Variants in LONRF1 observed in about 807,000 individuals in gnomAD.
LONRF1 encodes LON peptidase N-terminal domain and RING finger protein 1.
LONRF1 carries 37 observed loss-of-function variants against 85.8 expected under a neutral mutation model. The observed-to-expected ratio is 0.43, with a 90% CI of 0.33 to 0.57. LONRF1 has a LOEUF of 0.57. LONRF1 is among the 20% of genes least tolerant of loss of function. The pLI, the probability that LONRF1 is intolerant of heterozygous loss-of-function variation, is 0.04. For synonymous variants in LONRF1, 517 were observed against 390.1 expected, an observed-to-expected ratio of 1.33 and a Z score of -3.83; for missense variants, 1,036 against 978.0, an observed-to-expected ratio of 1.06 and a Z score of -0.79.
intron 1 of LONRF1, among the ~76,000 whole-genome samples, chr8:12,748,514 A>G (rs1006606477): frequency 6.6e-6 from 1 of 152,220 alleles, no homozygotes; most frequent in African/African-American, 2.4e-5. Flanking sequence ...TTATAAAGAT[A>G]TACAACATTT....
intron 1 of LONRF1, among the ~76,000 whole-genome samples, chr8:12,752,467 C>T (rs1585264362): frequency 1.3e-5 from 2 of 152,202 alleles, no homozygotes; most frequent in Middle Eastern, 6.8e-3. Flanking sequence ...CATTTTCAAG[C>T]ATGGAATTAA....
intron 8 of LONRF1, among the ~76,000 whole-genome samples, chr8:12,729,684 T>C (rs1379223351): frequency 6.6e-6 from 1 of 152,250 alleles, no homozygotes; most frequent in African/African-American, 2.4e-5. Context: ...ATTTATAACA[T>C]GACAATAAAT....
chr8:12,727,919 G>A (rs1798382467), intron 10 of LONRF1, among the ~76,000 whole-genome samples: 1 of 152,166 alleles, frequency 6.6e-6, no homozygotes, highest in Non-Finnish European at 1.5e-5. Flanking sequence ...CTCAAAGTCT[G>A]AGTCAGACAG....
At chr8:12,726,317 G>A (rs1798302645) in intron 10 of LONRF1, among the ~76,000 whole-genome samples, 1 of 152,178 alleles carries the variant, frequency 6.6e-6, no homozygotes, top group Admixed American at 6.5e-5. Context: ...ATGACAGAAA[G>A]TAGTAACAGG....
intron 10 of LONRF1, among the ~76,000 whole-genome samples, chr8:12,728,090 C>T (rs372992062): frequency 1.7e-4 from 26 of 152,102 alleles, no homozygotes; most frequent in African/African-American, 4.1e-4. Context: ...TAAATGCTGA[C>T]GAAATGAAGG....
intron 1 of LONRF1, among the ~76,000 whole-genome samples, chr8:12,744,751 C>A (rs1263592381): frequency 6.6e-6 from 1 of 152,176 alleles, no homozygotes; most frequent in Non-Finnish European, 1.5e-5. Context: ...AAAGACTAGG[C>A]TCAGAAAGTG....
rs140926534 is a variant in LONRF1, at chr8:12,729,421, A to T, written c.1689-89T>A. The T allele has an allele frequency of 4.9e-4, 629 of 1,294,516 alleles. 2 individuals carry two copies. In the African/African-American group the frequency reaches 8.5e-3, roughly 18 times the overall value. 80.2% of individuals were successfully genotyped at this position (1,294,516 alleles called of 1,614,324 possible). A position where few individuals can be genotyped will look rare whatever the true frequency, so the allele number is the denominator to read the frequency against. On this transcript the variant is annotated intron_variant, in intron 8 of 11. Transcript: ENST00000398246. Reference sequence around the variant, plus strand: ...AAAATGAGTGAGGTTTATAACAGTAATGAACTAATGTAAAGCAAAAAAAGA... The same window carrying T: ...AAAATGAGTGAGGTTTATAACAGTATTGAACTAATGTAAAGCAAAAAAAGA...
At chr8:12,749,172 GTGA>G (rs1372423914) in intron 1 of LONRF1, among the ~76,000 whole-genome samples, 4 of 152,118 alleles carry the variant, frequency 2.6e-5, no homozygotes, top group African/African-American at 9.7e-5. Context: ...TCAAAACAAA[GTGA>G]TGAAGATATT....
chr8:12,745,860 G>A (rs888028771), intron 1 of LONRF1, among the ~76,000 whole-genome samples: 11 of 152,060 alleles, frequency 7.2e-5, no homozygotes, highest in Non-Finnish European at 1.5e-4. Context: ...CTCTGGTCTT[G>A]TACCCATATC....
chr8:12,731,670 C>A (rs3802269), intron 8 of LONRF1, 66 bp downstream of exon 8: 860,227 of 1,348,820 alleles, frequency 0.64, 279,173 homozygotes, highest in Admixed American at 0.71. Flanking sequence ...ATCCAGCTTG[C>A]GGTGAGGTTT....
At chr8:12,740,146 G>T (rs1235745923) in intron 3 of LONRF1, among the ~76,000 whole-genome samples, 1 of 152,120 alleles carries the variant, frequency 6.6e-6, no homozygotes, top group Non-Finnish European at 1.5e-5. Context: ...TAAATAACGT[G>T]GCATGTTTTG....
At chr8:12,754,359 A>C in intron 1 of LONRF1, 2 of 195,364 alleles carry the variant, frequency 1.0e-5, no homozygotes, top group East Asian at 1.2e-4. Context: ...TAGCCCAGCT[A>C]CCACCCATCC....
At position 12,755,482 on chromosome 8, in the gene LONRF1, C is replaced by T; in HGVS notation, c.-62G>A. The T allele has an allele frequency of 1.1e-6, 1 of 919,020 alleles. No individual in the cohort carries two copies. Among genetic ancestry groups the T allele is most frequent in the Non-Finnish European group, 1.3e-6 (1 of 755,154 alleles). 56.9% of individuals were successfully genotyped at this position (919,020 alleles called of 1,614,324 possible). A position where few individuals can be genotyped will look rare whatever the true frequency, so the allele number is the denominator to read the frequency against. Reference sequence around the variant, plus strand: ...ACGGTCCCGGAGCCTCCCGGGCGCGCGGCTCCGCACGCGGCCCGCGAGCAG... The same window carrying T: ...ACGGTCCCGGAGCCTCCCGGGCGCGTGGCTCCGCACGCGGCCCGCGAGCAG... On this transcript the variant is annotated 5_prime_UTR_variant, in exon 1 of 12. Coordinates refer to ENST00000398246, the MANE Select transcript of LONRF1 (RefSeq NM_152271.5).
intron 1 of LONRF1, among the ~76,000 whole-genome samples, chr8:12,750,369 C>CA (rs1157255559): frequency 1.3e-5 from 2 of 152,182 alleles, no homozygotes; most frequent in Non-Finnish European, 2.9e-5. Context: ...CGGATGCCTG[C>CA]AACTTCAGAT....
At chr8:12,744,437 C>A (rs982972247) in intron 1 of LONRF1, among the ~76,000 whole-genome samples, 1 of 152,016 alleles carries the variant, frequency 6.6e-6, no homozygotes, top group Non-Finnish European at 1.5e-5. Context: ...GTGTCTTGTG[C>A]TTCTTAAAGC....
At chr8:12,727,126 T>TTC (rs1276753158) in intron 10 of LONRF1, 1 of 150,152 alleles carries the variant, frequency 6.7e-6, no homozygotes, top group Non-Finnish European at 1.5e-5. Flanking sequence ...AATCTTTTTT[T>TTC]TTTTTTTTTT....
intron 1 of LONRF1, among the ~76,000 whole-genome samples, chr8:12,746,110 A>G (rs1012062928): frequency 1.3e-5 from 2 of 152,084 alleles, no homozygotes; most frequent in African/African-American, 4.8e-5. Flanking sequence ...ATATTCCTCA[A>G]ATCTCCCCTT....
At chr8:12,731,907 A>G (rs1034374921) in intron 7 of LONRF1, 50 bp from the exon 8 acceptor site, 7 of 1,554,316 alleles carry the variant, frequency 4.5e-6, no homozygotes, top group Non-Finnish European at 4.4e-6. Flanking sequence ...CCTACAGTAT[A>G]AAACAGGCAA....
At chr8:12,734,306 C>T (rs1015784026) in intron 7 of LONRF1, among the ~76,000 whole-genome samples, 1 of 152,132 alleles carries the variant, frequency 6.6e-6, no homozygotes, top group African/African-American at 2.4e-5. Flanking sequence ...AATGTAATAA[C>T]AGACATGCTA....
Sources: allele counts gnomAD v4.1 joint callset (sites outside exome capture counted in the v4.1 genomes callset), GRCh38; gene constraint gnomAD v4.1.1; transcripts MANE v1.5; gene names NCBI Gene and HGNC (gene_info 2026-07-23, HGNC 2026-07-21).